The following RORB variants were observed in gnomAD, a reference collection of about 807,000 sequenced individuals.
RORB encodes RAR related orphan receptor B, also known as nuclear receptor ROR-beta.
In RORB, 6 loss-of-function variants were observed where a neutral mutation model predicts 59.1. The ratio of observed to expected loss-of-function variants is 0.10; its 90% CI spans 0.06 to 0.20. The LOEUF (loss-of-function observed/expected upper bound fraction) is 0.20. RORB is among the 10% of genes least tolerant of loss of function. RORB has a pLI of 1.00. For missense variants in RORB, 320 were observed against 560.5 expected, an observed-to-expected ratio of 0.57 and a Z score of 4.33; for synonymous variants, 215 against 204.5, an observed-to-expected ratio of 1.05 and a Z score of -0.44.
chr9:74,647,763 T>C (rs1823923940), intron 4 of RORB, among the ~76,000 whole-genome samples: 1 of 152,226 alleles, frequency 6.6e-6, no homozygotes, highest in Non-Finnish European at 1.5e-5. Context: ...CCCTGTAATG[T>C]ACTACTTCAT....
At chr9:74,548,206 A>G (rs921933474) in intron 1 of RORB, among the ~76,000 whole-genome samples, 3 of 152,140 alleles carry the variant, frequency 2.0e-5, no homozygotes, top group Non-Finnish European at 4.4e-5. Flanking sequence ...ATCAGGAGCT[A>G]ATGAGTGTGA....
At chr9:74,524,494 T>G (rs1826127725) in intron 1 of RORB, among the ~76,000 whole-genome samples, 1 of 151,950 alleles carries the variant, frequency 6.6e-6, no homozygotes. Context: ...TGCTGACCTT[T>G]TCATTTCCTT....
chr9:74,667,431 A>G (rs1302000782), intron 7 of RORB, among the ~76,000 whole-genome samples: 1 of 152,154 alleles, frequency 6.6e-6, no homozygotes, highest in African/African-American at 2.4e-5. Context: ...TACTATCTCT[A>G]TTGTAAAGGA....
chr9:74,587,204 G>T (rs537056954), intron 1 of RORB, among the ~76,000 whole-genome samples: 86 of 152,234 alleles, frequency 5.6e-4, no homozygotes, highest in Non-Finnish European at 9.1e-4. Flanking sequence ...AGCTTCCATT[G>T]GTCAGAGCTT....
Position 74,688,584 on chromosome 9 carries a change from TA to T in RORB, c.*2978del, listed in dbSNP as rs76298657. Reference sequence around the variant, plus strand: ...CTGTATCCACTCAGGGATGTTTCCTTAAAAAAAAAAAATACATCAAGAAGGA... The same window carrying T: ...CTGTATCCACTCAGGGATGTTTCCTTAAAAAAAAAAATACATCAAGAAGGA... On this transcript the variant is annotated 3_prime_UTR_variant, in exon 10 of 10. Transcript: ENST00000376896. 0.015 allele frequency: 2,149 copies of T among 146,018 alleles called. 20 individuals are homozygous for T. The highest frequency in any genetic ancestry group is 0.028 in the African/African-American group (1,102 of 39,846). The allele number at this position is 146,018 out of a possible 1,614,324, so 9.0% of individuals were successfully genotyped here.
chr9:74,683,403 G>T (rs1238400989), intron 9 of RORB, among the ~76,000 whole-genome samples: 4 of 152,052 alleles, frequency 2.6e-5, no homozygotes, highest in African/African-American at 7.2e-5. Flanking sequence ...TTCCACCCTG[G>T]ACCCAAAGTG....
intron 1 of RORB, among the ~76,000 whole-genome samples, chr9:74,571,534 A>G (rs1822552451): frequency 6.6e-6 from 1 of 152,168 alleles, no homozygotes; most frequent in African/African-American, 2.4e-5. Context: ...AAAGAATTTT[A>G]AAAACTTAAT....
intron 1 of RORB, among the ~76,000 whole-genome samples, chr9:74,526,456 C>T (rs1251540513): frequency 2.0e-5 from 3 of 151,866 alleles, no homozygotes; most frequent in Admixed American, 6.6e-5. Flanking sequence ...CACACTTTCT[C>T]CTTTCTCATC....
chr9:74,621,522 G>T (rs1307111614), intron 1 of RORB, among the ~76,000 whole-genome samples: 1 of 152,176 alleles, frequency 6.6e-6, no homozygotes, highest in Non-Finnish European at 1.5e-5. Context: ...CCAGTTTTGG[G>T]TAATTATGAA....
chr9:74,588,816 A>G (rs1037610128), intron 1 of RORB, among the ~76,000 whole-genome samples: 2 of 152,220 alleles, frequency 1.3e-5, no homozygotes, highest in Non-Finnish European at 2.9e-5. Context: ...ATTCAAAGCA[A>G]GATATCTTTT....
At position 74,529,494 on chromosome 9, in the gene RORB, C is replaced by T. The variant is rs73534471; in HGVS notation, c.7+31511C>T. 3.8e-3 allele frequency among the ~76,000 whole-genome samples: 572 copies of T among 151,772 alleles called. 7 individuals are homozygous for T. The highest frequency in any genetic ancestry group is 0.013 in the African/African-American group (552 of 41,460). ...TCTTTGAAAATTGAGGCTTTCTTTG[C>T]CTCAACTTCTCATCTTTAAAATGGG... On this transcript the variant is annotated intron_variant, in intron 1 of 9. Transcript: ENST00000376896.
Position 74,515,111 on chromosome 9 carries a change from T to C in RORB, c.7+17128T>C, listed in dbSNP as rs144241942. Among the ~76,000 whole-genome samples, 1,010 of 149,356 alleles carry C rather than the reference T, an allele frequency of 6.8e-3. 11 individuals are homozygous for C. The highest frequency in any genetic ancestry group is 0.023 in the African/African-American group (935 of 40,456). The stretch of plus-strand genomic sequence containing the variant: ...TATCTAGTGTGCTGTAAGCATTACA[T>C]AGTTGTTGAAAAAGATCCAATGAAG... On this transcript the variant is annotated intron_variant, in intron 1 of 9. Coordinates refer to ENST00000376896, the MANE Select transcript of RORB (RefSeq NM_006914.4).
chr9:74,554,244 G>A (rs1260069282), intron 1 of RORB, among the ~76,000 whole-genome samples: 2 of 152,130 alleles, frequency 1.3e-5, no homozygotes, highest in Non-Finnish European at 2.9e-5. Flanking sequence ...ATCAGGACCA[G>A]AATCTGGGCC....
intron 3 of RORB, among the ~76,000 whole-genome samples, chr9:74,636,199 G>A (rs542214540): frequency 5.3e-5 from 8 of 152,204 alleles, no homozygotes; most frequent in South Asian, 2.1e-4. Flanking sequence ...TACTTATTTC[G>A]TGTAATTATA....
chr9:74,676,260 G>A (rs1341121134), intron 9 of RORB, among the ~76,000 whole-genome samples: 1 of 152,146 alleles, frequency 6.6e-6, no homozygotes. Flanking sequence ...ATGAAATATT[G>A]TTAGATAGCA....
chr9:74,574,876 C>T (rs1010693154), intron 1 of RORB, among the ~76,000 whole-genome samples: 2 of 152,058 alleles, frequency 1.3e-5, no homozygotes, highest in African/African-American at 2.4e-5. Flanking sequence ...AGTTTTAACA[C>T]GAAGGAGAGC....
Position 74,665,546 on chromosome 9 carries a change from T to C in RORB, c.951T>C (p.Thr317=), listed in dbSNP as rs1369233328. The C allele has an allele frequency of 1.2e-6, 2 of 1,613,326 alleles. No individual in the cohort carries two copies. The change falls in exon 7 of 10, where the codon ACT becomes ACC. Residue 317 remains threonine, a synonymous_variant. Transcript: ENST00000376896. ...MCRAFNPLNN[T]VLFEGKYGGM... is the part of the protein sequence containing the mutation. ...GTGCCTTCAACCCATTAAACAACACTGTTCTGTTTGAAGGAAAATATGGAG... is the reference window on the plus strand; with the variant it reads ...GTGCCTTCAACCCATTAAACAACACCGTTCTGTTTGAAGGAAAATATGGAG...
chr9:74,579,889 G>T lies in RORB; in HGVS notation c.8-50393G>T, dbSNP rs113995039. Among the ~76,000 whole-genome samples, 1,074 of 152,156 alleles carry T rather than the reference G, an allele frequency of 7.1e-3. 16 individuals carry two copies. Among genetic ancestry groups the T allele is most frequent in the African/African-American group, 0.024 (991 of 41,506 alleles). Reference sequence around the variant, plus strand: ...TTACAGTAGTTCCCTCTTATCCACGGTTTCGCCTTCAGCAATTTCAATTAT... The same window carrying T: ...TTACAGTAGTTCCCTCTTATCCACGTTTTCGCCTTCAGCAATTTCAATTAT... On this transcript the variant is annotated intron_variant, in intron 1 of 9. Transcript: ENST00000376896.
chr9:74,633,417 A>T (rs1164141841), intron 2 of RORB, among the ~76,000 whole-genome samples: 2 of 152,124 alleles, frequency 1.3e-5, no homozygotes, highest in African/African-American at 4.8e-5. Flanking sequence ...CCATTCCTGA[A>T]CTTTTCTAGA....
Sources: allele counts gnomAD v4.1 joint callset (sites outside exome capture counted in the v4.1 genomes callset), GRCh38; gene constraint gnomAD v4.1.1; transcripts MANE v1.5; gene names NCBI Gene and HGNC (gene_info 2026-07-23, HGNC 2026-07-21).